FABP7: variants seen among roughly 807,000 people sequenced by gnomAD.
FABP7 encodes the protein fatty acid binding protein 7.
FABP7 carries 13 observed loss-of-function variants against 14.2 expected under a neutral mutation model. The observed-to-expected ratio is 0.91, with a 90% CI of 0.59 to 1.45. The LOEUF (loss-of-function observed/expected upper bound fraction) is 1.45. Among genes scored for constraint, FABP7 ranks in the 40% most tolerant of loss-of-function variants. FABP7 has a pLI of 0.00. For synonymous variants in FABP7, 49 were observed against 51.4 expected, an observed-to-expected ratio of 0.95 and a Z score of 0.20; for missense variants, 149 against 157.6, an observed-to-expected ratio of 0.95 and a Z score of 0.29.
At chr6:122,781,614 A>C (rs1780786692) in intron 3 of FABP7, 1 of 1,131,498 alleles carries the variant, frequency 8.8e-7, no homozygotes, top group Admixed American at 4.2e-5. Flanking sequence ...CTGTAATAAG[A>C]GATCTTTAAA....
intron 2 of FABP7, 113 bp from the exon 3 acceptor site, chr6:122,780,980 A>T (rs1425919202): frequency 2.4e-6 from 3 of 1,244,130 alleles, no homozygotes; most frequent in Non-Finnish European, 3.2e-6. Flanking sequence ...TAGGATAATT[A>T]ACTGATCATG....
chr6:122,761,203 T>C, the FABP7 span, among the ~76,000 whole-genome samples: 8 of 152,296 alleles, frequency 5.3e-5, no homozygotes, highest in African/African-American at 1.9e-4. Context: ...AAGGTGACTG[T>C]TAACATACAC....
the FABP7 span, among the ~76,000 whole-genome samples, chr6:122,755,971 G>A: frequency 6.6e-6 from 1 of 152,116 alleles, no homozygotes; most frequent in African/African-American, 2.4e-5. Context: ...AGTGCTGCGG[G>A]CGTTTATACA....
At chr6:122,776,979 G>A (rs186598529), upstream of FABP7, among the ~76,000 whole-genome samples, 1 of 152,140 alleles carries the variant, frequency 6.6e-6, no homozygotes, top group Non-Finnish European at 1.5e-5. Flanking sequence ...AAAGGAATCA[G>A]AATTAATGGA....
the FABP7 span, among the ~76,000 whole-genome samples, chr6:122,755,196 A>C: frequency 6.6e-6 from 1 of 152,174 alleles, no homozygotes; most frequent in East Asian, 1.9e-4. Flanking sequence ...TCATAAAGTC[A>C]CTTGACCCTT....
At chr6:122,749,919 T>G in the FABP7 span, among the ~76,000 whole-genome samples, 1 of 152,322 alleles carries the variant, frequency 6.6e-6, no homozygotes, top group East Asian at 1.9e-4. Context: ...CATGATGACA[T>G]TCACAACAGT....
chr6:122,772,169 G>A, the FABP7 span, among the ~76,000 whole-genome samples: 1 of 152,304 alleles, frequency 6.6e-6, no homozygotes, highest in Admixed American at 6.5e-5. Context: ...TTAACCAGGA[G>A]GCTGGAGAGA....
At chr6:122,768,710 C>A in the FABP7 span, among the ~76,000 whole-genome samples, 2 of 152,132 alleles carry the variant, frequency 1.3e-5, no homozygotes, top group East Asian at 1.9e-4. Context: ...TGACACTAAC[C>A]AACGGGTATG....
At chr6:122,776,084 T>C (rs1174683305), upstream of FABP7, among the ~76,000 whole-genome samples, 1 of 152,070 alleles carries the variant, frequency 6.6e-6, no homozygotes, top group Non-Finnish European at 1.5e-5. Flanking sequence ...TTGTTGGGAA[T>C]GTAGATCAGC....
At chr6:122,783,173 G>A (rs1193167257) in intron 3 of FABP7, 31 of 985,328 alleles carry the variant, frequency 3.1e-5, no homozygotes, top group African/African-American at 5.2e-5. Context: ...CTGATGTTCC[G>A]CATCCTATCC....
the FABP7 span, among the ~76,000 whole-genome samples, chr6:122,767,274 G>A: frequency 2.6e-5 from 4 of 151,824 alleles, no homozygotes; most frequent in African/African-American, 9.7e-5. Context: ...ATATATTAAG[G>A]GCCATAAATA....
chr6:122,783,847 G>T lies in FABP7; in HGVS notation c.*80G>T. 1 of 1,123,366 alleles carries T rather than the reference G, an allele frequency of 8.9e-7. No individual in the cohort carries two copies. Among genetic ancestry groups the T allele is most frequent in the South Asian group, 1.5e-5 (1 of 68,338 alleles). The allele number at this position is 1,123,366 out of a possible 1,614,324, so 69.6% of individuals were successfully genotyped here. A position where few individuals can be genotyped will look rare whatever the true frequency, so the allele number is the denominator to read the frequency against. Reference sequence around the variant, plus strand: ...TCTCAGTGCTATCCTATTACAACATGGCTGATCATTAATTAGAAGGTTATC... The same window carrying T: ...TCTCAGTGCTATCCTATTACAACATTGCTGATCATTAATTAGAAGGTTATC... On this transcript the variant is annotated 3_prime_UTR_variant, in exon 4 of 4. Coordinates refer to ENST00000368444, the MANE Select transcript of FABP7 (RefSeq NM_001446.5).
the FABP7 span, among the ~76,000 whole-genome samples, chr6:122,754,618 A>T: frequency 7.2e-5 from 5 of 69,626 alleles, no homozygotes; most frequent in Non-Finnish European, 1.4e-4. Flanking sequence ...CCCCCCACCC[A>T]CTTTTCAGTG....
At chr6:122,753,511 A>G in the FABP7 span, among the ~76,000 whole-genome samples, 3 of 152,096 alleles carry the variant, frequency 2.0e-5, no homozygotes, top group Non-Finnish European at 2.9e-5. Context: ...CTGTCACCTC[A>G]AGATGACTTG....
chr6:122,753,467 T>C, the FABP7 span, among the ~76,000 whole-genome samples: 1 of 152,132 alleles, frequency 6.6e-6, no homozygotes, highest in East Asian at 1.9e-4. Flanking sequence ...CGTATTGACC[T>C]TGGAGTCTGC....
At chr6:122,752,094 A>G in the FABP7 span, among the ~76,000 whole-genome samples, 3 of 151,508 alleles carry the variant, frequency 2.0e-5, no homozygotes, top group Admixed American at 2.0e-4. Flanking sequence ...CCATCTCCCA[A>G]TTTTCTTTGT....
chr6:122,773,589 G>A, the FABP7 span, among the ~76,000 whole-genome samples: 4 of 152,106 alleles, frequency 2.6e-5, no homozygotes, highest in African/African-American at 9.7e-5. Context: ...CAGCTACAGA[G>A]ATATTCAATT....
the FABP7 span, among the ~76,000 whole-genome samples, chr6:122,749,779 A>G: frequency 7.2e-4 from 109 of 152,332 alleles, no homozygotes; most frequent in Non-Finnish European, 1.3e-3. Context: ...AACTTGTCAA[A>G]TGATTTCTCA....
the FABP7 span, among the ~76,000 whole-genome samples, chr6:122,763,148 G>T: frequency 6.6e-6 from 1 of 151,992 alleles, no homozygotes; most frequent in African/African-American, 2.4e-5. Context: ...ATACTATAAG[G>T]GTACAGTAAC....
Sources: gnomAD v4.1 joint callset for allele counts (sites outside exome capture counted in the v4.1 genomes callset) on GRCh38, gnomAD v4.1.1 for gene constraint, MANE v1.5 for transcripts, NCBI Gene and HGNC (gene_info 2026-07-23, HGNC 2026-07-21) for gene names.